SLC25A43: variants seen among roughly 807,000 people sequenced by gnomAD.
SLC25A43 encodes the protein solute carrier family 25 member 43.
A neutral mutation model predicts 22.8 loss-of-function variants in SLC25A43; 10 were observed. That is an observed-to-expected ratio of 0.44 (90% CI 0.27 to 0.74). The LOEUF (loss-of-function observed/expected upper bound fraction) is 0.74. SLC25A43 is among the 30% of genes least tolerant of loss of function. The pLI is 0.17. For missense variants in SLC25A43, 233 were observed against 279.1 expected (o/e 0.83, Z 1.18); for synonymous variants, 106 against 121.6 (o/e 0.87, Z 0.84).
At chrX:119,442,326 T>G (rs1331548867) in intron 3 of SLC25A43, among the ~76,000 whole-genome samples, 2 of 111,974 alleles carry the variant, frequency 1.8e-5, no homozygotes, top group East Asian at 5.6e-4. Flanking sequence ...TGTTACTTAG[T>G]GTCTTTTTGT....
intron 1 of SLC25A43, among the ~76,000 whole-genome samples, chrX:119,404,670 G>A (rs1213071466): frequency 1.8e-5 from 2 of 111,644 alleles, no homozygotes; most frequent in Non-Finnish European, 3.8e-5. Flanking sequence ...ACCCAGCAAG[G>A]CCTGTCTGTT....
At chrX:119,451,850 C>T in intron 3 of SLC25A43, 159 bp from the exon 4 acceptor site, 1 of 1,113,658 alleles carries the variant, frequency 9.0e-7, no homozygotes. Flanking sequence ...CTGTTCTAAG[C>T]CCACAGAACA....
chrX:119,404,599 T>TC (rs1341822258), intron 1 of SLC25A43, among the ~76,000 whole-genome samples: 4 of 111,203 alleles, frequency 3.6e-5, no homozygotes, highest in African/African-American at 1.3e-4. Context: ...GGAAGATTTG[T>TC]TACAGAGGCA....
chrX:119,441,343 A>G (rs1402406382), intron 3 of SLC25A43, among the ~76,000 whole-genome samples: 3 of 85,541 alleles, frequency 3.5e-5, no homozygotes, highest in Non-Finnish European at 6.8e-5. Context: ...CACGGTGCGC[A>G]CACACACTGG....
At chrX:119,402,373 A>T (rs1603293342) in intron 1 of SLC25A43, among the ~76,000 whole-genome samples, 1 of 111,840 alleles carries the variant, frequency 8.9e-6, no homozygotes, top group African/African-American at 3.2e-5. Flanking sequence ...TCCACTCAGT[A>T]GTCTGTTGGG....
intron 2 of SLC25A43, among the ~76,000 whole-genome samples, chrX:119,408,799 C>T (rs1028704060): frequency 8.1e-5 from 9 of 111,515 alleles, no homozygotes; most frequent in Admixed American, 1.9e-4. Flanking sequence ...CATCTCAGTT[C>T]TTAGAAAGGT....
intron 3 of SLC25A43, among the ~76,000 whole-genome samples, chrX:119,448,038 T>G (rs2052680715): frequency 9.0e-6 from 1 of 111,606 alleles, no homozygotes; most frequent in Non-Finnish European, 1.9e-5. Flanking sequence ...AAAGCCAACC[T>G]GCTTCTCCCA....
chrX:119,417,488 G>A (rs1478931022), intron 3 of SLC25A43, among the ~76,000 whole-genome samples: 1 of 109,036 alleles, frequency 9.2e-6, no homozygotes, highest in African/African-American at 3.4e-5. Flanking sequence ...TAAATGGGAC[G>A]GGTAAGGGTC....
At chrX:119,442,951 A>C (rs1181888460) in intron 3 of SLC25A43, among the ~76,000 whole-genome samples, 1 of 111,345 alleles carries the variant, frequency 9.0e-6, no homozygotes, top group Non-Finnish European at 1.9e-5. Context: ...AAGGCACTAG[A>C]GATACGAAAA....
At chrX:119,421,941 A>G (rs929288328) in intron 3 of SLC25A43, among the ~76,000 whole-genome samples, 1 of 111,648 alleles carries the variant, frequency 9.0e-6, no homozygotes, top group East Asian at 2.8e-4. Context: ...TTGAGACAAG[A>G]GTCTCGCTCT....
intron 3 of SLC25A43, among the ~76,000 whole-genome samples, chrX:119,435,559 G>A (rs1301735170): frequency 2.5e-4 from 14 of 56,666 alleles, no homozygotes; most frequent in Non-Finnish European, 4.1e-4. Flanking sequence ...ATGCTGGTGC[G>A]CTGCACCCAC....
intron 2 of SLC25A43, among the ~76,000 whole-genome samples, chrX:119,409,688 T>C (rs904878445): frequency 1.8e-5 from 2 of 111,009 alleles, no homozygotes; most frequent in South Asian, 7.6e-4. Context: ...CGATCTCAGC[T>C]CACTGCAACC....
intron 3 of SLC25A43, among the ~76,000 whole-genome samples, chrX:119,422,236 GCTGTTAGCCT>G (rs1288965783): frequency 8.9e-6 from 1 of 111,776 alleles, no homozygotes; most frequent in African/African-American, 3.2e-5. Flanking sequence ...TTTAAATGAT[GCTGTTAGCCT>G]ATACGTGCCC....
chrX:119,430,641 T>C (rs1392453057), intron 3 of SLC25A43, among the ~76,000 whole-genome samples: 1 of 112,284 alleles, frequency 8.9e-6, no homozygotes, highest in Non-Finnish European at 1.9e-5. Context: ...GCTGGGGAGC[T>C]TGTAAAAAGT....
At chrX:119,410,749 C>T (rs914241044) in intron 3 of SLC25A43, among the ~76,000 whole-genome samples, 1 of 110,627 alleles carries the variant, frequency 9.0e-6, no homozygotes, top group African/African-American at 3.3e-5. Flanking sequence ...ATTAGCTGGG[C>T]GTGGTGGCAG....
At chrX:119,402,979 A>G (rs2052251559) in intron 1 of SLC25A43, among the ~76,000 whole-genome samples, 1 of 111,707 alleles carries the variant, frequency 9.0e-6, no homozygotes, top group Non-Finnish European at 1.9e-5. Context: ...CTGATATAAA[A>G]TACGGCTCCT....
At chrX:119,424,467 C>CT (rs199550892) in intron 3 of SLC25A43, among the ~76,000 whole-genome samples, 6,122 of 110,497 alleles carry the variant, frequency 0.055, 169 homozygotes, top group South Asian at 0.11. Flanking sequence ...TCCTCAGGCC[C>CT]TTTTTTTATT....
chrX:119,448,688 G>C (rs2052684753), intron 3 of SLC25A43, among the ~76,000 whole-genome samples: 1 of 111,408 alleles, frequency 9.0e-6, no homozygotes, highest in Non-Finnish European at 1.9e-5. Flanking sequence ...GCATCCTCCA[G>C]ACACTCCTTA....
chrX:119,400,512 C>T (rs1230493175), intron 1 of SLC25A43, among the ~76,000 whole-genome samples: 1 of 112,255 alleles, frequency 8.9e-6, no homozygotes, highest in Non-Finnish European at 1.9e-5. Context: ...TCCCTGTGTT[C>T]CTCATTCAGT....
Sources: allele counts gnomAD v4.1 joint callset (sites outside exome capture counted in the v4.1 genomes callset), GRCh38; gene constraint gnomAD v4.1.1; transcripts MANE v1.5; gene names NCBI Gene and HGNC (gene_info 2026-07-23, HGNC 2026-07-21).